MTF2: variants seen among roughly 807,000 people sequenced by gnomAD.
MTF2 encodes the protein metal response element binding transcription factor 2.
MTF2 carries 11 observed loss-of-function variants against 79.5 expected under a neutral mutation model. That is an observed-to-expected ratio of 0.14 (90% CI 0.09 to 0.23). MTF2 has a LOEUF of 0.23. MTF2 is among the 10% of genes least tolerant of loss of function. The pLI, the probability that MTF2 is intolerant of heterozygous loss-of-function variation, is 1.00. For missense variants in MTF2, 486 were observed against 711.2 expected (o/e 0.68, Z 3.60); for synonymous variants, 208 against 232.8 (o/e 0.89, Z 0.97).
intron 3 of MTF2, among the ~76,000 whole-genome samples, chr1:93,112,845 C>T (rs4847398): frequency 0.49 from 74,929 of 152,036 alleles, 22,072 homozygotes; most frequent in South Asian, 0.68. Flanking sequence ...AAAGTTAATT[C>T]CCAGCTTTCT....
At chr1:93,120,319 A>G (rs1035970531) in intron 8 of MTF2, 31 of 261,878 alleles carry the variant, frequency 1.2e-4, no homozygotes, top group East Asian at 2.1e-4. Context: ...AAAAAAAAAA[A>G]AAGAAGTAAT....
At chr1:93,125,709 AG>A (rs1037679378) in intron 9 of MTF2, among the ~76,000 whole-genome samples, 5 of 152,058 alleles carry the variant, frequency 3.3e-5, no homozygotes, top group Middle Eastern at 3.4e-3. Context: ...TGGGGTGGGG[AG>A]GGGGGACCAG....
Position 93,115,534 on chromosome 1 carries a change from C to T in MTF2, c.548C>T (p.Pro183Leu). The T allele has an allele frequency of 6.2e-7, 1 of 1,611,960 alleles. No homozygotes were observed. The highest frequency in any genetic ancestry group is 8.5e-7 in the Non-Finnish European group (1 of 1,178,994). ...KALQVMKQTL[P>L]YSVADLEWDA... ...TTGCAAGTCATGAAGCAGACATTAC[C>T]CTATAGTGTGGCAGACCTTGAATGG... Residue 183 changes from proline to leucine, a missense_variant, in exon 6 of 15, where the codon CCC becomes CTC. Transcript: ENST00000370298.
Position 93,119,368 on chromosome 1 carries a change from G to A in MTF2, c.764G>A (p.Gly255Glu). The change falls in exon 8 of 15, where the codon GGA becomes GAA. Residue 255 changes from glycine (G) to glutamate (E), a missense_variant. Transcript: ENST00000370298. ...TTTATATGCTCTGTCTGCAGTTCTG[G>A]ACCAGAATACCTCAAACGTCTACCA... ...YTFICSVCSS[G>E]PEYLKRLPLQ... The A allele has an allele frequency of 6.2e-7, 1 of 1,603,784 alleles. No individual in the cohort carries two copies. Among genetic ancestry groups the A allele is most frequent in the Non-Finnish European group, 8.5e-7 (1 of 1,176,314 alleles).
At chr1:93,082,224 C>G (rs1654635344) in intron 1 of MTF2, among the ~76,000 whole-genome samples, 1 of 150,518 alleles carries the variant, frequency 6.6e-6, no homozygotes, top group African/African-American at 2.4e-5. Flanking sequence ...ATATTTCAAA[C>G]ATAATACAAA....
In MTF2 at chr1:93,079,345, T is replaced by C; in HGVS notation, c.-182T>C. 1 of 698,686 alleles carries C rather than the reference T, an allele frequency of 1.4e-6. No homozygotes were observed. The highest frequency in any genetic ancestry group is 3.8e-4 in the Middle Eastern group (1 of 2,620). The allele number at this position is 698,686 out of a possible 1,614,324, so 43.3% of individuals were successfully genotyped here. A position where few individuals can be genotyped will look rare whatever the true frequency, so the allele number is the denominator to read the frequency against. On this transcript the variant is annotated 5_prime_UTR_variant, in exon 1 of 15. Coordinates refer to ENST00000370298, the MANE Select transcript of MTF2 (RefSeq NM_007358.4). ...AAGTGGGCTGTGTTTGAGGCCGGTG[T>C]AAGAACGCTCATTCTACCCCCAACC...
chr1:93,084,138 G>C (rs892212815), intron 1 of MTF2, among the ~76,000 whole-genome samples: 1 of 151,358 alleles, frequency 6.6e-6, no homozygotes, highest in Non-Finnish European at 1.5e-5. Context: ...ATTTAGGTCC[G>C]TCATCTATTT....
In MTF2 at chr1:93,118,443, G is replaced by A. The variant is rs1656340922; in HGVS notation, c.728+3G>A. 6.3e-7 allele frequency: 1 copy of A among 1,574,874 alleles called. No individual in the cohort carries two copies. ...AAGCCAATGCTATTTGGAGACAGGT[G>A]AGAAGGGCATTTGAACTTTACTGGC... On this transcript the variant is annotated splice_donor_region_variant and intron_variant, in intron 7 of 14. Coordinates refer to ENST00000370298, the MANE Select transcript of MTF2 (RefSeq NM_007358.4).
intron 1 of MTF2, among the ~76,000 whole-genome samples, chr1:93,095,402 G>A (rs1655247671): frequency 6.6e-6 from 1 of 152,124 alleles, no homozygotes; most frequent in Non-Finnish European, 1.5e-5. Context: ...GTGCAATGGT[G>A]CAATCTTGGC....
At chr1:93,108,312 C>T (rs1404366371) in intron 1 of MTF2, among the ~76,000 whole-genome samples, 3 of 151,816 alleles carry the variant, frequency 2.0e-5, no homozygotes, top group Non-Finnish European at 1.5e-5. Flanking sequence ...ATTTGAATTT[C>T]CTTCTGGGTT....
intron 5 of MTF2, 21 bp from the exon 6 acceptor site, chr1:93,115,449 A>AT (rs1456111256): frequency 4.6e-6 from 7 of 1,518,408 alleles, no homozygotes; most frequent in South Asian, 2.6e-5. Context: ...ACTCTTTCAC[A>AT]TTTTTTTCCC....
intron 1 of MTF2, among the ~76,000 whole-genome samples, chr1:93,082,121 G>A (rs555769000): frequency 1.1e-3 from 165 of 152,142 alleles, no homozygotes; most frequent in African/African-American, 3.9e-3. Flanking sequence ...TTCTGCTTCT[G>A]TGTCAAAAAA....
At chr1:93,129,488 A>G (rs750186264) in intron 11 of MTF2, 40 bp downstream of exon 11, 1 of 1,394,934 alleles carries the variant, frequency 7.2e-7, no homozygotes, top group Non-Finnish European at 9.6e-7. Context: ...TCTTTAGCTT[A>G]TTTGTAACTA....
chr1:93,136,315 A>G (rs1041064207), intron 14 of MTF2, among the ~76,000 whole-genome samples: 1 of 152,214 alleles, frequency 6.6e-6, no homozygotes, highest in African/African-American at 2.4e-5. Context: ...GTTCTAATGA[A>G]CAAATGAATG....
chr1:93,114,777 G>C lies in MTF2; in HGVS notation c.376G>C (p.Gly126Arg). The C allele has an allele frequency of 6.2e-7, 1 of 1,605,416 alleles. No individual in the cohort carries two copies. Among genetic ancestry groups the C allele is most frequent in the Non-Finnish European group, 8.5e-7 (1 of 1,175,518 alleles). ...TGAAATGGTTATATGTGACAAGTGT[G>C]GCCAAGGTAACCATTGATTTCTTTT... ...PNEMVICDKC[G>R]QGYHQLCHTP... The change falls in exon 4 of 15, where the codon GGC becomes CGC. Residue 126 changes from glycine to arginine, a missense_variant. By Grantham distance (125) the Gly-to-Arg change is moderately radical (BLOSUM62 -2). Around this residue, in one of 4 missense-constraint regions of MTF2, gnomAD observed 177 missense variants for 364.0 expected, o/e 0.49. Transcript: ENST00000370298.
intron 1 of MTF2, among the ~76,000 whole-genome samples, chr1:93,083,603 A>C (rs539089684): frequency 2.6e-5 from 4 of 152,304 alleles, no homozygotes; most frequent in Middle Eastern, 3.4e-3. Context: ...TTACTGGGTC[A>C]GATGATAACT....
At chr1:93,115,404 TAA>T in intron 5 of MTF2, 64 bp from the exon 6 acceptor site, 4 of 1,290,416 alleles carry the variant, frequency 3.1e-6, no homozygotes, top group Non-Finnish European at 2.1e-6. Flanking sequence ...GAGTCGTTTT[TAA>T]AGTATAGAAT....
chr1:93,129,631 GTTTA>G (rs1181861480), intron 11 of MTF2, among the ~76,000 whole-genome samples, 183 bp downstream of exon 11: 1 of 136,682 alleles, frequency 7.3e-6, no homozygotes, highest in Non-Finnish European at 1.6e-5. Flanking sequence ...CCAGATGCTT[GTTTA>G]TTTATTTTAG....
chr1:93,094,394 G>C (rs74614168), intron 1 of MTF2, among the ~76,000 whole-genome samples: 27 of 152,098 alleles, frequency 1.8e-4, no homozygotes, highest in Non-Finnish European at 3.2e-4. Flanking sequence ...GACTTCTGTG[G>C]TGATTATTTT....
Sources: gnomAD v4.1 joint callset for allele counts (sites outside exome capture counted in the v4.1 genomes callset) on GRCh38, gnomAD v4.1.1 for gene constraint, gnomAD v4.1.1 regional missense constraint, MANE v1.5 for transcripts, NCBI Gene and HGNC (gene_info 2026-07-23, HGNC 2026-07-21) for gene names.